Variants in EIF4G1 observed in about 807,000 individuals in gnomAD.
The protein encoded by EIF4G1 is eukaryotic translation initiation factor 4 gamma 1.
A neutral mutation model predicts 187.8 loss-of-function variants in EIF4G1; 4 were observed. The observed-to-expected ratio is 0.02, with a 90% CI of 0.01 to 0.05. The LOEUF (loss-of-function observed/expected upper bound fraction) is 0.05, where lower values mean the gene tolerates loss of function less well. EIF4G1 is among the 10% of genes least tolerant of loss of function. The pLI is 1.00. For missense variants in EIF4G1, 1,647 were observed against 2,081.1 expected, an observed-to-expected ratio of 0.79 and a Z score of 4.06; for synonymous variants, 844 against 781.4, an observed-to-expected ratio of 1.08 and a Z score of -1.34.
chr3:184,330,260 T>C (rs1725790971), intron 28 of EIF4G1, among the ~76,000 whole-genome samples: 2 of 152,104 alleles, frequency 1.3e-5, no homozygotes, highest in Non-Finnish European at 2.9e-5. Flanking sequence ...GCACCTGTAG[T>C]CCCAGCTACT....
chr3:184,319,823 C>A, intron 7 of EIF4G1, 22 bp downstream of exon 7: 1 of 1,503,194 alleles, frequency 6.7e-7, no homozygotes, highest in South Asian at 1.2e-5. Context: ...TGAGGGGCTC[C>A]GGGACATCTG....
Position 184,322,524 on chromosome 3 carries a change from T to C in EIF4G1, c.1609-20T>C, listed in dbSNP as rs761633075. 6.2e-7 allele frequency: 1 copy of C among 1,614,032 alleles called. No homozygotes were observed. The highest frequency in any genetic ancestry group is 2.2e-5 in the East Asian group (1 of 44,868). The stretch of plus-strand genomic sequence containing the variant: ...GCAGTGGTCATTCTGCAACCAAAAC[T>C]GGATGTTCTGTTGTTCTAGGCGAAC... On this transcript the variant is annotated intron_variant, in intron 11 of 32. Coordinates refer to ENST00000346169, the MANE Select transcript of EIF4G1 (RefSeq NM_198241.3).
At position 184,327,403 on chromosome 3, in the gene EIF4G1, A is replaced by G. The variant is rs1048431806; in HGVS notation, c.3616A>G (p.Lys1206Glu). 2 of 1,613,548 alleles carry G rather than the reference A, an allele frequency of 1.2e-6. No homozygotes were observed. The highest frequency in any genetic ancestry group is 1.6e-4 in the Middle Eastern group (1 of 6,078). Reference sequence around the variant, plus strand: ...GCCCTCCCAGCCTGAGGGGCTGCGCAAGGCAGCTAGCCTCACGGAGGATCG... The same window carrying G: ...GCCCTCCCAGCCTGAGGGGCTGCGCGAGGCAGCTAGCCTCACGGAGGATCG... ...ERPSQPEGLRKAASLTEDRDR... is the reference protein window; with the variant it reads ...ERPSQPEGLREAASLTEDRDR... Residue 1206 changes from lysine (K) to glutamate (E), a missense_variant, in exon 24 of 33, where the codon AAG (lysine) becomes GAG (glutamate). By Grantham distance (56) the Lys-to-Glu change is moderately conservative. Around this residue, in one of 11 missense-constraint regions of EIF4G1, gnomAD observed 543 missense variants for 638.0 expected, o/e 0.85. Coordinates refer to ENST00000346169, the MANE Select transcript of EIF4G1 (RefSeq NM_198241.3).
intron 4 of EIF4G1, chr3:184,316,874 AT>A (rs1722891336): frequency 2.2e-6 from 2 of 896,130 alleles, no homozygotes; most frequent in East Asian, 4.8e-5. Flanking sequence ...AGGCCGAGTG[AT>A]GCATGTTAGG....
intron 1 of EIF4G1, 65 bp from the exon 2 acceptor site, chr3:184,315,424 A>C (rs551196034): frequency 3.7e-6 from 2 of 544,286 alleles, no homozygotes; most frequent in African/African-American, 1.9e-5. Flanking sequence ...GAGACCTGGA[A>C]TTTCCGGTCT....
rs753671653 is a variant in EIF4G1, at chr3:184,322,367, G to C, written c.1525G>C (p.Val509Leu). 1.2e-6 allele frequency: 2 copies of C among 1,613,866 alleles called. No individual in the cohort carries two copies. The highest frequency in any genetic ancestry group is 1.7e-6 in the Non-Finnish European group (2 of 1,179,790). Residue 509 changes from valine (V) to leucine (L), a missense_variant, in exon 11 of 33, where the codon GTA (valine) becomes CTA (leucine). Physicochemically the swap from Val to Leu is conservative, Grantham distance 32. Around this residue, in one of 11 missense-constraint regions of EIF4G1, gnomAD observed 522 missense variants for 485.2 expected, o/e 1.08. Transcript: ENST00000346169. ...ATTTATTTATTTTTAATTAGTGGCA[G>C]TATCTGTGCCAAAGAGGAGACGGAA... is the stretch of plus-strand genomic sequence containing the variant. ...LEAAAATQVA[V>L]SVPKRRRKIK...
chr3:184,325,591 G>A lies in EIF4G1; in HGVS notation c.3073G>A (p.Ala1025Thr). Reference protein sequence around the residue: ...REHIKVQQLMAKGSDKRRGGP... With the variant: ...REHIKVQQLMTKGSDKRRGGP... ...GCACATCAAAGTGCAGCAGCTCATG[G>A]CCAAGGGCAGTGACAAGCGTCGGGG... The change falls in exon 20 of 33, where the codon GCC becomes ACC. Residue 1025 changes from alanine (A) to threonine (T), a missense_variant. By Grantham distance (58) the Ala-to-Thr change is moderately conservative (BLOSUM62 0). This residue lies in a region of EIF4G1 where 142 missense variants were observed against 296.6 expected (regional missense o/e 0.48). Transcript: ENST00000346169. This position sits in a 1 kb window ranked among gnomAD's most constrained non-coding sequence, Gnocchi z 5.2. 1 of 1,614,234 alleles carries A rather than the reference G, an allele frequency of 6.2e-7. No homozygotes were observed. Among genetic ancestry groups the A allele is most frequent in the Non-Finnish European group, 8.5e-7 (1 of 1,180,054 alleles).
Position 184,326,598 on chromosome 3 carries a change from C to T in EIF4G1, c.3294C>T (p.Ser1098=), listed in dbSNP as rs1273972150. The T allele has an allele frequency of 8.1e-6, 13 of 1,611,758 alleles. No homozygotes were observed. Among genetic ancestry groups the T allele is most frequent in the Admixed American group, 3.3e-5 (2 of 59,970 alleles). The stretch of plus-strand genomic sequence containing the variant: ...GACTGAGCTGGGGCAAGGGCAGCAG[C>T]GGAGGCTCAGGAGCCAAGCCCTCAG... The part of the protein sequence containing the change: ...GGRLSWGKGS[S]GGSGAKPSDA... Residue 1098 remains serine, a synonymous_variant, in exon 22 of 33, where the codon AGC becomes AGT. Coordinates refer to ENST00000346169, the MANE Select transcript of EIF4G1 (RefSeq NM_198241.3).
rs375996867 is a variant in EIF4G1 at position 184,332,049 on chromosome 3, C to T, written c.4581C>T (p.Ala1527=). ...AGAAGGAGCTACAGGCGCTCTACGC[C>T]CTCCAGGCCCTTGTAGTGACCTTAG... The part of the protein sequence containing the change: ...DEQKELQALY[A]LQALVVTLEQ... The change falls in exon 32 of 33, where the codon GCC becomes GCT. Residue 1527 remains alanine (A), a synonymous_variant. Coordinates refer to ENST00000346169, the MANE Select transcript of EIF4G1 (RefSeq NM_198241.3). 5.6e-6 allele frequency: 9 copies of T among 1,614,070 alleles called. No homozygotes were observed. In the African/African-American group the frequency reaches 1.2e-4, roughly 22 times the overall value.
At chr3:184,321,022 A>T (rs763547215) in intron 9 of EIF4G1, 29 bp downstream of exon 9, 2 of 1,610,692 alleles carry the variant, frequency 1.2e-6, no homozygotes, top group South Asian at 2.2e-5. Flanking sequence ...CGGAGCTTTT[A>T]TGGGGAAAGG....
chr3:184,321,244 T>C (rs781342486), intron 9 of EIF4G1, 38 bp from the exon 10 acceptor site: 3 of 1,613,290 alleles, frequency 1.9e-6, no homozygotes, highest in Admixed American at 1.7e-5. Flanking sequence ...AGTTAAGCAC[T>C]TGCCTTTAGT....
rs1364041081 is a variant in EIF4G1, at chr3:184,315,864, G to A, written c.60+8G>A. 4.2e-6 allele frequency: 5 copies of A among 1,190,000 alleles called. No individual in the cohort carries two copies. Among genetic ancestry groups the A allele is most frequent in the Middle Eastern group, 4.6e-4 (2 of 4,314 alleles). 73.7% of individuals were successfully genotyped at this position (1,190,000 alleles called of 1,614,324 possible). ...TCCCCCGGACTCCCACAGGTAATTAGGGAGGAATTAGCAGGGGTGGGGGTG... is the reference window on the plus strand; with the variant it reads ...TCCCCCGGACTCCCACAGGTAATTAAGGAGGAATTAGCAGGGGTGGGGGTG... On this transcript the variant is annotated splice_region_variant and intron_variant, in intron 3 of 32. Transcript: ENST00000346169.
At chr3:184,330,310 G>A (rs1409059385) in intron 28 of EIF4G1, among the ~76,000 whole-genome samples, 1 of 151,952 alleles carries the variant, frequency 6.6e-6, no homozygotes, top group Non-Finnish European at 1.5e-5. Flanking sequence ...ACCCAGGAGG[G>A]GGAGGTTGCA....
In EIF4G1 at chr3:184,321,510, A is replaced by G. The variant is rs370100320; in HGVS notation, c.926A>G (p.Glu309Gly). ...ESTPISRETG[E>G]PYRLSPEPTP... is the part of the protein sequence containing the mutation. Reference sequence around the variant, plus strand: ...ACCCCCATCTCCCGTGAAACTGGGGAGCCATATCGCCTCTCTCCAGAACCC... The same window carrying G: ...ACCCCCATCTCCCGTGAAACTGGGGGGCCATATCGCCTCTCTCCAGAACCC... The change falls in exon 10 of 33, where the codon GAG becomes GGG. Residue 309 changes from glutamate (E) to glycine (G), a missense_variant. Around this residue, in one of 11 missense-constraint regions of EIF4G1, gnomAD observed 522 missense variants for 485.2 expected, o/e 1.08. Transcript: ENST00000346169. The G allele has an allele frequency of 2.5e-6, 4 of 1,614,134 alleles. No homozygotes were observed. Among genetic ancestry groups the G allele is most frequent in the Non-Finnish European group, 3.4e-6 (4 of 1,180,016 alleles).
At chr3:184,327,806 C>T in intron 25 of EIF4G1, 24 bp from the exon 26 acceptor site, 2 of 1,614,078 alleles carry the variant, frequency 1.2e-6, no homozygotes, top group Non-Finnish European at 8.5e-7. Context: ...CTGGTCTCTT[C>T]CTGCTGTGCC....
chr3:184,317,855 A>G (rs772811193), intron 6 of EIF4G1, 39 bp downstream of exon 6: 1 of 1,470,494 alleles, frequency 6.8e-7, no homozygotes, highest in Non-Finnish European at 9.5e-7. Context: ...AACAAGCCCA[A>G]GGGAGCATCT....
chr3:184,328,136 C>A (rs1725306190), intron 26 of EIF4G1, 134 bp downstream of exon 26: 3 of 1,090,220 alleles, frequency 2.8e-6, no homozygotes, highest in Admixed American at 3.8e-5. Flanking sequence ...GTAATCCCTG[C>A]ACTTTGGGAG....
At chr3:184,330,828 G>A (rs1020684981) in intron 28 of EIF4G1, among the ~76,000 whole-genome samples, 14 of 151,794 alleles carry the variant, frequency 9.2e-5, no homozygotes, top group Non-Finnish European at 1.0e-4. Flanking sequence ...TGCAACCCTC[G>A]CCTTGGGTTC....
At position 184,322,710 on chromosome 3, in the gene EIF4G1, A is replaced by G; in HGVS notation, c.1775A>G (p.Gln592Arg). ...HNAENIQPGE[Q>R]KYEYKSDQWK... is the part of the protein sequence containing the mutation. Reference sequence around the variant, plus strand: ...GCTGAGAACATCCAGCCCGGGGAACAGAAGTATGAATATAAGTCAGGTATG... The same window carrying G: ...GCTGAGAACATCCAGCCCGGGGAACGGAAGTATGAATATAAGTCAGGTATG... The change falls in exon 12 of 33, where the codon CAG becomes CGG. Residue 592 changes from glutamine (Q) to arginine (R), a missense_variant. This residue lies in a region of EIF4G1 where 522 missense variants were observed against 485.2 expected (regional missense o/e 1.08). Coordinates refer to ENST00000346169, the MANE Select transcript of EIF4G1 (RefSeq NM_198241.3). The G allele has an allele frequency of 1.2e-6, 2 of 1,614,246 alleles. No homozygotes were observed. Among genetic ancestry groups the G allele is most frequent in the Non-Finnish European group, 1.7e-6 (2 of 1,180,044 alleles).
Sources: gnomAD v4.1 joint callset for allele counts (sites outside exome capture counted in the v4.1 genomes callset) on GRCh38, gnomAD v4.1.1 for gene constraint, gnomAD v4.1.1 regional missense constraint, Gnocchi (gnomAD v3.1) non-coding constraint, MANE v1.5 for transcripts, NCBI Gene and HGNC (gene_info 2026-07-23, HGNC 2026-07-21) for gene names.